TLN2: variants seen among roughly 807,000 people sequenced by gnomAD.
TLN2 encodes the protein talin-2.
In TLN2, 118 loss-of-function variants were observed where a neutral mutation model predicts 294.7. The observed-to-expected ratio is 0.40, with a 90% CI of 0.34 to 0.47. TLN2 has a LOEUF of 0.47. Ranked by LOEUF, TLN2 falls within the 20% of genes least tolerant of loss-of-function variation. TLN2 has a pLI of 0.84. For synonymous variants in TLN2, 1,431 were observed against 1,304.5 expected (o/e 1.10, Z -2.09); for missense variants, 3,083 against 3,282.2 (o/e 0.94, Z 1.48).
intron 37 of TLN2, among the ~76,000 whole-genome samples, chr15:62,756,198 T>C (rs2062239451): frequency 6.6e-6 from 1 of 152,194 alleles, no homozygotes; most frequent in Admixed American, 6.5e-5. Flanking sequence ...TTAATTCTGT[T>C]TATAGCTGTT....
intron 11 of TLN2, among the ~76,000 whole-genome samples, chr15:62,683,665 A>G (rs909586612): frequency 2.0e-5 from 3 of 152,198 alleles, no homozygotes; most frequent in African/African-American, 7.2e-5. Flanking sequence ...ATCTTGAGAG[A>G]GAAGCTTCTA....
chr15:62,448,416 G>A (rs543137943), intron 1 of TLN2, among the ~76,000 whole-genome samples: 1 of 152,346 alleles, frequency 6.6e-6, no homozygotes, highest in African/African-American at 2.4e-5. Context: ...AGTTAGGCTT[G>A]TACTGGGCAG....
intron 1 of TLN2, among the ~76,000 whole-genome samples, chr15:62,417,565 G>GA (rs556863716): frequency 2.0e-5 from 3 of 152,230 alleles, no homozygotes; most frequent in Non-Finnish European, 4.4e-5. Context: ...AACTGGATCA[G>GA]AAAATTGTTT....
intron 37 of TLN2, among the ~76,000 whole-genome samples, chr15:62,758,870 G>C (rs2062476775): frequency 6.6e-6 from 1 of 152,184 alleles, no homozygotes; most frequent in Non-Finnish European, 1.5e-5. Context: ...TCACTTTCCA[G>C]GTGCTGGTTT....
intron 1 of TLN2, among the ~76,000 whole-genome samples, chr15:62,485,174 G>A (rs554337108): frequency 6.6e-6 from 1 of 152,214 alleles, no homozygotes; most frequent in South Asian, 2.1e-4. Flanking sequence ...CCTACCTTGG[G>A]CACCTAGATT....
At chr15:62,400,876 T>A (rs1478500205) in intron 1 of TLN2, among the ~76,000 whole-genome samples, 2 of 142,312 alleles carry the variant, frequency 1.4e-5, no homozygotes, top group East Asian at 4.3e-4. Flanking sequence ...AGTGCAGTGG[T>A]GCAATCTGGG....
chr15:62,809,156 G>C (rs1278833922), intron 51 of TLN2, among the ~76,000 whole-genome samples: 1 of 152,196 alleles, frequency 6.6e-6, no homozygotes, highest in African/African-American at 2.4e-5. Context: ...TCCCATACTT[G>C]CTAAAAATTT....
At chr15:62,631,604 T>TCTCC (rs1374004427) in intron 3 of TLN2, among the ~76,000 whole-genome samples, 15 of 142,648 alleles carry the variant, frequency 1.1e-4, no homozygotes, top group African/African-American at 3.3e-4. Flanking sequence ...ACTCTCTCTC[T>TCTCC]CTCCCTCTCC....
intron 10 of TLN2, among the ~76,000 whole-genome samples, chr15:62,674,625 C>G (rs1194768856): frequency 6.6e-6 from 1 of 151,632 alleles, no homozygotes; most frequent in African/African-American, 2.4e-5. Context: ...CCTCAGCCTA[C>G]CAAGTAGCTG....
chr15:62,838,834 GTA>G lies in TLN2; in HGVS notation c.7375-20_7375-19del. 1.9e-6 allele frequency: 3 copies of G among 1,607,180 alleles called. No individual in the cohort carries two copies. The highest frequency in any genetic ancestry group is 1.7e-6 in the Non-Finnish European group (2 of 1,179,246). ...AAATGGCTGTTTCTAATGATATAAT[GTA>G]TGTTTTGTTCACTCTCCAGGCGGCA... On this transcript the variant is annotated intron_variant, in intron 57 of 58. Transcript: ENST00000636159.
At chr15:62,621,012 T>A (rs1270329306) in intron 3 of TLN2, among the ~76,000 whole-genome samples, 3 of 151,624 alleles carry the variant, frequency 2.0e-5, no homozygotes, top group African/African-American at 7.3e-5. Context: ...CTAATTTTTT[T>A]ATATTTTTAG....
chr15:62,750,488 C>T lies in TLN2; in HGVS notation c.4206C>T (p.Ser1402=). The T allele has an allele frequency of 2.5e-6, 4 of 1,613,532 alleles. No homozygotes were observed. The highest frequency in any genetic ancestry group is 3.4e-6 in the Non-Finnish European group (4 of 1,179,416). Residue 1402 remains serine (S), a synonymous_variant, in exon 34 of 59, where the codon TCC becomes TCT. Coordinates refer to ENST00000636159, the MANE Select transcript of TLN2 (RefSeq NM_015059.3). Reference sequence around the variant, plus strand: ...GCATTGAGAGTGTGATGGAAAACTCCAAGGTAAGACTGCCTATGCCGTAAG... The same window carrying T: ...GCATTGAGAGTGTGATGGAAAACTCTAAGGTAAGACTGCCTATGCCGTAAG... The part of the protein sequence containing the change: ...FDCIESVMEN[S]KVLGESMAGI...
intron 48 of TLN2, among the ~76,000 whole-genome samples, chr15:62,800,116 A>G (rs2065823914): frequency 6.6e-6 from 1 of 152,320 alleles, no homozygotes; most frequent in South Asian, 2.1e-4. Flanking sequence ...GAGGTTTTAC[A>G]TAAGCTGCAT....
intron 1 of TLN2, among the ~76,000 whole-genome samples, chr15:62,501,316 GTC>G (rs2039294929): frequency 6.6e-6 from 1 of 152,136 alleles, no homozygotes; most frequent in African/African-American, 2.4e-5. Flanking sequence ...GGCCACATGT[GTC>G]TCTCTTTGCC....
intron 2 of TLN2, among the ~76,000 whole-genome samples, chr15:62,606,033 G>T (rs965468937): frequency 2.0e-5 from 3 of 152,160 alleles, no homozygotes; most frequent in African/African-American, 7.2e-5. Flanking sequence ...TAGTGCTAGT[G>T]ATGACTGATA....
At chr15:62,599,286 G>A (rs1183874955) in intron 2 of TLN2, among the ~76,000 whole-genome samples, 1 of 152,214 alleles carries the variant, frequency 6.6e-6, no homozygotes, top group Non-Finnish European at 1.5e-5. Flanking sequence ...TTGCAGTGAT[G>A]ACCAAGGGTG....
intron 1 of TLN2, among the ~76,000 whole-genome samples, chr15:62,550,769 G>T (rs190544765): frequency 1.3e-5 from 2 of 152,210 alleles, no homozygotes; most frequent in Admixed American, 6.5e-5. Context: ...AAACTGCTTG[G>T]AGTTCCCCAT....
intron 1 of TLN2, among the ~76,000 whole-genome samples, chr15:62,474,235 CCTT>C (rs1214764399): frequency 6.6e-6 from 1 of 152,196 alleles, no homozygotes; most frequent in Non-Finnish European, 1.5e-5. Flanking sequence ...GCTCATGAAT[CCTT>C]GAAACTGAAG....
chr15:62,583,391 A>G (rs1200842192), intron 1 of TLN2, among the ~76,000 whole-genome samples: 1 of 152,242 alleles, frequency 6.6e-6, no homozygotes, highest in Non-Finnish European at 1.5e-5. Flanking sequence ...TATTGAAAAC[A>G]ATTGGCTGTA....
Sources: gnomAD v4.1 joint callset for allele counts (sites outside exome capture counted in the v4.1 genomes callset) on GRCh38, gnomAD v4.1.1 for gene constraint, MANE v1.5 for transcripts, NCBI Gene and HGNC (gene_info 2026-07-23, HGNC 2026-07-21) for gene names.